The following ACYP2 variants were observed in gnomAD, a reference collection of about 807,000 sequenced individuals.
ACYP2 encodes the protein acylphosphatase 2.
Under a neutral mutation model 11.2 loss-of-function variants are expected in ACYP2, and 12 were observed. The observed-to-expected ratio is 1.08, with a 90% CI of 0.69 to 1.74. The LOEUF (loss-of-function observed/expected upper bound fraction) is 1.74, where lower values mean the gene tolerates loss of function less well. Among genes scored for constraint, ACYP2 ranks in the 40% most tolerant of loss-of-function variants. The pLI, the probability that ACYP2 is intolerant of heterozygous loss-of-function variation, is 0.00. For missense variants in ACYP2, 134 were observed against 101.9 expected (o/e 1.31, Z -1.35); for synonymous variants, 43 against 32.2 (o/e 1.33, Z -1.13).
intron 6 of ACYP2, among the ~76,000 whole-genome samples, chr2:54,293,030 T>A (rs2104148483): frequency 6.6e-6 from 1 of 152,302 alleles, no homozygotes; most frequent in African/African-American, 2.4e-5. Context: ...AAATTGAACA[T>A]TTACTATTTT....
At chr2:54,227,436 C>G (rs527903425) in intron 6 of ACYP2, among the ~76,000 whole-genome samples, 1 of 151,942 alleles carries the variant, frequency 6.6e-6, no homozygotes, top group African/African-American at 2.4e-5. Context: ...GTCAGGAGAT[C>G]GAGACCATCC....
intron 3 of ACYP2, chr2:54,051,140 C>T: frequency 1.5e-6 from 1 of 683,830 alleles, no homozygotes; most frequent in Non-Finnish European, 2.6e-6. Flanking sequence ...TCCATAGAGA[C>T]AGCACTGGGC....
intron 6 of ACYP2, among the ~76,000 whole-genome samples, chr2:54,177,296 C>T (rs1363923865): frequency 6.6e-6 from 1 of 152,160 alleles, no homozygotes; most frequent in Non-Finnish European, 1.5e-5. Context: ...CGTCACCAGG[C>T]TGTGTGTTGG....
At position 54,240,677 on chromosome 2, in the gene ACYP2, G is replaced by A. The variant is rs575114052; in HGVS notation, c.405-64011G>A. Reference sequence around the variant, plus strand: ...GACTCAGGCTCGTATTACAAAGGATGCAATTTAGATGAGCAACTCCCTGGT... The same window carrying A: ...GACTCAGGCTCGTATTACAAAGGATACAATTTAGATGAGCAACTCCCTGGT... On this transcript the variant is annotated intron_variant, in intron 6 of 6. Coordinates refer to ENST00000607452, the MANE Select transcript of ACYP2 (RefSeq NM_001320586.2). 2.0e-5 allele frequency among the ~76,000 whole-genome samples: 3 copies of A among 152,318 alleles called. 1 individual carries two copies. The highest frequency in any genetic ancestry group is 7.2e-5 in the African/African-American group (3 of 41,580).
chr2:54,301,250 G>T (rs538308750), intron 6 of ACYP2, among the ~76,000 whole-genome samples: 1 of 152,060 alleles, frequency 6.6e-6, no homozygotes, highest in Non-Finnish European at 1.5e-5. Context: ...TTTCTGTCAG[G>T]CTTAAATTGG....
chr2:54,092,681 G>A lies in ACYP2; in HGVS notation c.277+35321G>A, dbSNP rs371926720. On this transcript the variant is annotated intron_variant, in intron 4 of 6. Transcript: ENST00000607452. ...CTTGGCCCCCTGACATTCTAGTAAG[G>A]TTCTCCTAATGGAACCAACCAGAAA... Among the ~76,000 whole-genome samples the A allele has an allele frequency of 6.6e-5, 10 of 152,256 alleles. No homozygotes were observed. The East Asian group carries it at 1.2e-3, about 18-fold the overall frequency.
At chr2:54,221,893 C>T (rs1685816284) in intron 6 of ACYP2, among the ~76,000 whole-genome samples, 2 of 152,050 alleles carry the variant, frequency 1.3e-5, no homozygotes, top group South Asian at 4.2e-4. Flanking sequence ...TAAAATAAAC[C>T]TGGCTGGCAC....
chr2:54,278,122 C>T (rs184929620), intron 6 of ACYP2, among the ~76,000 whole-genome samples: 6 of 152,222 alleles, frequency 3.9e-5, no homozygotes, highest in East Asian at 1.9e-4. Context: ...GGACTACAGG[C>T]GCCCGCCACC....
intron 2 of ACYP2, among the ~76,000 whole-genome samples, chr2:53,989,164 A>G (rs1362401507): frequency 2.0e-5 from 3 of 152,176 alleles, no homozygotes; most frequent in Admixed American, 6.6e-5. Flanking sequence ...TGGAAAGGCT[A>G]TCAGGCCAGC....
chr2:54,178,092 G>A (rs1683545181), intron 6 of ACYP2, among the ~76,000 whole-genome samples: 1 of 151,654 alleles, frequency 6.6e-6, no homozygotes, highest in South Asian at 2.1e-4. Flanking sequence ...TTTTGCTAGA[G>A]ACATGGTTTC....
chr2:54,291,193 T>A (rs1266985711), intron 6 of ACYP2, among the ~76,000 whole-genome samples: 2 of 152,212 alleles, frequency 1.3e-5, no homozygotes, highest in Non-Finnish European at 2.9e-5. Flanking sequence ...TTAAAATACC[T>A]TTGCCTTGGG....
chr2:54,230,955 C>T (rs544211899), intron 6 of ACYP2, among the ~76,000 whole-genome samples: 109 of 151,570 alleles, frequency 7.2e-4, no homozygotes, highest in Admixed American at 1.4e-3. Flanking sequence ...CTCAGCCTCC[C>T]GAGTAGCTGG....
At chr2:54,295,976 G>T (rs1411140141) in intron 6 of ACYP2, among the ~76,000 whole-genome samples, 1 of 151,960 alleles carries the variant, frequency 6.6e-6, no homozygotes, top group Non-Finnish European at 1.5e-5. Context: ...AGCCAGGATG[G>T]TCTCGCATTC....
intron 6 of ACYP2, among the ~76,000 whole-genome samples, chr2:54,146,368 C>G (rs1681882415): frequency 6.6e-6 from 1 of 151,540 alleles, no homozygotes; most frequent in Non-Finnish European, 1.5e-5. Flanking sequence ...AATGTTTTTT[C>G]TTTGACAATT....
chr2:54,231,617 T>C (rs1185739354), intron 6 of ACYP2, among the ~76,000 whole-genome samples: 2 of 152,204 alleles, frequency 1.3e-5, no homozygotes, highest in African/African-American at 2.4e-5. Context: ...GGGAATGATA[T>C]CGAATTTGTA....
chr2:54,125,123 A>G (rs1680403655), intron 4 of ACYP2, among the ~76,000 whole-genome samples: 1 of 152,164 alleles, frequency 6.6e-6, no homozygotes, highest in Admixed American at 6.5e-5. Context: ...TTTAAAAAAA[A>G]AAACTCAAAA....
At position 54,167,628 on chromosome 2, in the gene ACYP2, C is replaced by G. The variant is rs556212323; in HGVS notation, c.404+28880C>G. 9.1e-4 allele frequency among the ~76,000 whole-genome samples: 138 copies of G among 151,880 alleles called. 1 individual carries two copies. The highest frequency in any genetic ancestry group is 2.1e-3 in the South Asian group (10 of 4,814). On this transcript the variant is annotated intron_variant, in intron 6 of 6. Transcript: ENST00000607452. ...TGAATATGGCCTGGGTATGAAAGAA[C>G]GTTAAGGAATTAGTATTATATTTGT...
intron 2 of ACYP2, among the ~76,000 whole-genome samples, chr2:53,974,837 T>C (rs1671388747): frequency 6.6e-6 from 1 of 152,146 alleles, no homozygotes; most frequent in Non-Finnish European, 1.5e-5. Context: ...GTTGAGAATA[T>C]TTGAAAGAGA....
At chr2:54,035,155 G>A (rs1674819988) in intron 2 of ACYP2, among the ~76,000 whole-genome samples, 1 of 151,852 alleles carries the variant, frequency 6.6e-6, no homozygotes, top group Admixed American at 6.6e-5. Context: ...GGCAAAAATG[G>A]GGATTTCAGC....
Sources: gnomAD v4.1 joint callset for allele counts (sites outside exome capture counted in the v4.1 genomes callset) on GRCh38, gnomAD v4.1.1 for gene constraint, MANE v1.5 for transcripts, NCBI Gene and HGNC (gene_info 2026-07-23, HGNC 2026-07-21) for gene names.